DCHS1: variants seen among roughly 807,000 people sequenced by gnomAD.
The protein encoded by DCHS1 is protocadherin-16.
In DCHS1, 78 loss-of-function variants were observed where a neutral mutation model predicts 213.9. The ratio of observed to expected loss-of-function variants is 0.36; its 90% confidence interval spans 0.30 to 0.44. DCHS1 has a LOEUF of 0.44. Ranked by LOEUF, DCHS1 falls within the 20% of genes least tolerant of loss-of-function variation. The pLI, the probability that DCHS1 is intolerant of heterozygous loss-of-function variation, is 1.00. For synonymous variants in DCHS1, 1,828 were observed against 1,873.7 expected, an observed-to-expected ratio of 0.98 and a Z score of 0.63; for missense variants, 3,946 against 4,395.9, an observed-to-expected ratio of 0.90 and a Z score of 2.89.
chr11:6,633,079 C>G (rs376715478), intron 5 of DCHS1, 23 bp from the exon 6 acceptor site: 9 of 1,574,810 alleles, frequency 5.7e-6, no homozygotes, highest in African/African-American at 4.0e-5. Context: ...AAAAAGGGAT[C>G]AGGAAAGAGA....
rs1856045728 is a variant in DCHS1, at chr11:6,640,166, G to C, written c.1448C>G (p.Pro483Arg). 1 of 1,613,834 alleles carries C rather than the reference G, an allele frequency of 6.2e-7. No individual in the cohort carries two copies. Among genetic ancestry groups the C allele is most frequent in the Non-Finnish European group, 8.5e-7 (1 of 1,179,818 alleles). The change falls in exon 2 of 21, where the codon CCT (proline) becomes CGT (arginine). Residue 483 changes from proline (P) to arginine (R), a missense_variant. Pro to Arg is a moderately radical substitution (Grantham distance 103, BLOSUM62 -2). Coordinates refer to ENST00000299441, the MANE Select transcript of DCHS1 (RefSeq NM_003737.4). This position sits in a 1 kb window ranked among gnomAD's most constrained non-coding sequence, Gnocchi z 6.5. Reference protein sequence around the residue: ...DRQLYRPEPLPEVALPGSFVV... With the variant: ...DRQLYRPEPLREVALPGSFVV... Reference sequence around the variant, plus strand: ...AAAGCTGCCAGGCAGCGCAACCTCAGGCAGGGGCTCAGGTCGGTAGAGCTG... The same window carrying C: ...AAAGCTGCCAGGCAGCGCAACCTCACGCAGGGGCTCAGGTCGGTAGAGCTG...
chr11:6,640,767 C>T lies in DCHS1; in HGVS notation c.847G>A (p.Asp283Asn), dbSNP rs985941221. The change falls in exon 2 of 21, where the codon GAT (aspartate) becomes AAT (asparagine). Residue 283 changes from aspartate (D) to asparagine (N), a missense_variant. Asp to Asn is a conservative substitution (Grantham distance 23). Coordinates refer to ENST00000299441, the MANE Select transcript of DCHS1 (RefSeq NM_003737.4). This position sits in a 1 kb window ranked among gnomAD's most constrained non-coding sequence, Gnocchi z 6.5. Reference protein sequence around the residue: ...PVLQVFASDADAGVNGAVTYE... With the variant: ...PVLQVFASDANAGVNGAVTYE... ...GTCACAGCCCCATTGACACCAGCAT[C>T]GGCATCAGATGCGAACACCTGCAAG... is the stretch of plus-strand genomic sequence containing the variant. The T allele has an allele frequency of 6.2e-7, 1 of 1,613,894 alleles. No individual in the cohort carries two copies. The highest frequency in any genetic ancestry group is 1.3e-5 in the African/African-American group (1 of 74,922).
Position 6,630,121 on chromosome 11 carries a change from T to C in DCHS1, c.4673A>G (p.Gln1558Arg). ...SPSRVRLPED[Q>R]PPGPAALHVV... ...GTGCAGGGCCGCGGGCCCAGGCGGC[T>C]GGTCCTCTGGGAGGCGCACGCGTGA... Residue 1558 changes from glutamine (Q) to arginine (R), a missense_variant, in exon 10 of 21, where the codon CAG becomes CGG. Around this residue, in one of 3 missense-constraint regions of DCHS1, gnomAD observed 3,384 missense variants for 3,780.1 expected, o/e 0.90. Coordinates refer to ENST00000299441, the MANE Select transcript of DCHS1 (RefSeq NM_003737.4). 1.2e-6 allele frequency: 2 copies of C among 1,605,130 alleles called. No individual in the cohort carries two copies.
At chr11:6,643,416 G>A (rs1237704487) in intron 1 of DCHS1, among the ~76,000 whole-genome samples, 2 of 152,094 alleles carry the variant, frequency 1.3e-5, no homozygotes. Flanking sequence ...CATGTTCTAT[G>A]TTGGCGGCCA....
At chr11:6,646,030 T>G (rs1856149127) in intron 1 of DCHS1, among the ~76,000 whole-genome samples, 1 of 151,928 alleles carries the variant, frequency 6.6e-6, no homozygotes, top group South Asian at 2.1e-4. Context: ...CCCACACGTA[T>G]GCAGGCATAC....
chr11:6,626,492 G>A lies in DCHS1; in HGVS notation c.6364+60C>T. ...TTCACCCATCAAAGGCTCCTCTGAT[G>A]CAAAGAACCTGCTTCCCCAGTAGCC... On this transcript the variant is annotated intron_variant, in intron 15 of 20. Coordinates refer to ENST00000299441, the MANE Select transcript of DCHS1 (RefSeq NM_003737.4). The surrounding 1 kb of genome is among the most constrained non-coding windows in gnomAD (Gnocchi z 5.2). 2 of 1,605,660 alleles carry A rather than the reference G, an allele frequency of 1.2e-6. No individual in the cohort carries two copies. The highest frequency in any genetic ancestry group is 1.7e-6 in the Non-Finnish European group (2 of 1,173,506).
In DCHS1 at chr11:6,623,413, G is replaced by C; in HGVS notation, c.8263C>G (p.Arg2755Gly). 1.3e-6 allele frequency: 2 copies of C among 1,591,394 alleles called. No homozygotes were observed. Among genetic ancestry groups the C allele is most frequent in the Non-Finnish European group, 1.7e-6 (2 of 1,168,986 alleles). ...GAGCTGTTCAGTGCAAATGCCTCAC[G>C]GCCCTCAGGTCCTGGCCCAGCCTCC... ...LLEAGPGPEG[R>G]EAFALNSSTG... The change falls in exon 21 of 21, where the codon CGT (arginine) becomes GGT (glycine). Residue 2755 changes from arginine to glycine, a missense_variant. Arg to Gly is a moderately radical substitution (Grantham distance 125, BLOSUM62 -2). Around this residue, in one of 3 missense-constraint regions of DCHS1, gnomAD observed 3,384 missense variants for 3,780.1 expected, o/e 0.90. Coordinates refer to ENST00000299441, the MANE Select transcript of DCHS1 (RefSeq NM_003737.4).
At position 6,653,054 on chromosome 11, in the gene DCHS1, A is replaced by G. The variant is rs141128369; in HGVS notation, c.-121+2509T>C. Among the ~76,000 whole-genome samples, 439 of 152,244 alleles carry G rather than the reference A, an allele frequency of 2.9e-3. 1 individual carries two copies. The highest frequency in any genetic ancestry group is 9.9e-3 in the African/African-American group (412 of 41,534). On this transcript the variant is annotated intron_variant, in intron 1 of 20. Transcript: ENST00000299441. ...CTGATCATATCGCTCCAAGCTTCCA[A>G]TGATTTGGTGACTCTCCATTATTCT...
At position 6,629,554 on chromosome 11, in the gene DCHS1, C is replaced by T; in HGVS notation, c.5059G>A (p.Gly1687Arg). The change falls in exon 12 of 21, where the codon GGA (glycine) becomes AGA (arginine). Residue 1687 changes from glycine (G) to arginine (R), a missense_variant. Transcript: ENST00000299441. Reference protein sequence around the residue: ...DVGANGQVTYGGVSSESFSLD... With the variant: ...DVGANGQVTYRGVSSESFSLD... ...GAAAAGCTTTCGCTAGAGACGCCTC[C>T]ATAAGTCACTTGCCCGTTGGCCCCT... 2 of 1,613,722 alleles carry T rather than the reference C, an allele frequency of 1.2e-6. No individual in the cohort carries two copies. Among genetic ancestry groups the T allele is most frequent in the Non-Finnish European group, 1.7e-6 (2 of 1,179,756 alleles).
rs752838229 is a variant in DCHS1, at chr11:6,629,835, G to T, written c.4872C>A (p.His1624Gln). 5.0e-6 allele frequency: 8 copies of T among 1,612,974 alleles called. No homozygotes were observed. Among genetic ancestry groups the T allele is most frequent in the Non-Finnish European group, 6.8e-6 (8 of 1,179,882 alleles). Residue 1624 changes from histidine (H) to glutamine (Q), a missense_variant, in exon 11 of 21, where the codon CAC becomes CAA. Physicochemically the swap from His to Gln is conservative, Grantham distance 24. Around this residue, in one of 3 missense-constraint regions of DCHS1, gnomAD observed 3,384 missense variants for 3,780.1 expected, o/e 0.90. Coordinates refer to ENST00000299441, the MANE Select transcript of DCHS1 (RefSeq NM_003737.4). ...EHVLTVVASD[H>Q]GSPPRSATQV... ...GCGTGGCCGAGCGCGGCGGGGAGCCGTGGTCTGAGGCCACCACTGTCAGTA... is the reference window on the plus strand; with the variant it reads ...GCGTGGCCGAGCGCGGCGGGGAGCCTTGGTCTGAGGCCACCACTGTCAGTA...
chr11:6,643,815 C>T (rs1475257741), intron 1 of DCHS1, among the ~76,000 whole-genome samples: 1 of 152,164 alleles, frequency 6.6e-6, no homozygotes. Flanking sequence ...CTTCAGTATC[C>T]CCAGTCATCA....
rs187436116 is a variant in DCHS1 at position 6,654,479 on chromosome 11, C to T, written c.-121+1084G>A. On this transcript the variant is annotated intron_variant, in intron 1 of 20. Transcript: ENST00000299441. ...AGAGTGTTAGCAGTAACAATGTCTTCCATGGTATGTGTTGGCCTTGACAAT... is the reference window on the plus strand; with the variant it reads ...AGAGTGTTAGCAGTAACAATGTCTTTCATGGTATGTGTTGGCCTTGACAAT... Among the ~76,000 whole-genome samples the T allele has an allele frequency of 3.5e-4, 54 of 152,248 alleles. No individual in the cohort carries two copies. In the South Asian group the frequency reaches 6.2e-3, roughly 18 times the overall value.
Position 6,622,741 on chromosome 11 carries a change from C to T in DCHS1, c.8935G>A (p.Ala2979Thr). 1 of 1,590,892 alleles carries T rather than the reference C, an allele frequency of 6.3e-7. No individual in the cohort carries two copies. ...EAAPGPMSQA[A>T]PLASDSLQKL... ...TGCAGTGAGTCACTGGCTAGGGGTG[C>T]TGCCTGTGACATTGGGCCAGGGGCT... The change falls in exon 21 of 21, where the codon GCA becomes ACA. Residue 2979 changes from alanine (A) to threonine (T), a missense_variant. Physicochemically the swap from Ala to Thr is moderately conservative, Grantham distance 58. This residue lies in a region of DCHS1 where 554 missense variants were observed against 590.2 expected (regional missense o/e 0.94). Coordinates refer to ENST00000299441, the MANE Select transcript of DCHS1 (RefSeq NM_003737.4). The surrounding 1 kb of genome is among the most constrained non-coding windows in gnomAD (Gnocchi z 5.4).
In DCHS1 at chr11:6,641,490, C is replaced by G; in HGVS notation, c.124G>C (p.Gly42Arg). The G allele has an allele frequency of 6.4e-7, 1 of 1,568,978 alleles. No homozygotes were observed. Among genetic ancestry groups the G allele is most frequent in the Non-Finnish European group, 8.6e-7 (1 of 1,157,956 alleles). Residue 42 changes from glycine to arginine, a missense_variant, in exon 2 of 21, where the codon GGT becomes CGT. Gly to Arg is a moderately radical substitution (Grantham distance 125). Coordinates refer to ENST00000299441, the MANE Select transcript of DCHS1 (RefSeq NM_003737.4). The surrounding 1 kb of genome is among the most constrained non-coding windows in gnomAD (Gnocchi z 7.1). Reference sequence around the variant, plus strand: ...TGCAAGTCCAGGCTCCCAGCCTGACCCCAGGCACCTGGCACCCCAGCCCCC... The same window carrying G: ...TGCAAGTCCAGGCTCCCAGCCTGACGCCAGGCACCTGGCACCCCAGCCCCC... Reference protein sequence around the residue: ...LLGAGVPGAWGQAGSLDLQID... With the variant: ...LLGAGVPGAWRQAGSLDLQID...
Position 6,626,774 on chromosome 11 carries a change from T to A in DCHS1, c.6250+15A>T, listed in dbSNP as rs758411291. On this transcript the variant is annotated intron_variant, in intron 14 of 20. Transcript: ENST00000299441. This position sits in a 1 kb window ranked among gnomAD's most constrained non-coding sequence, Gnocchi z 5.2. ...TTTGGGAGTCTGAATCTGGAAGAAA[T>A]GGCTGGGGACCCACCTGGGGGCGCA... 6.4e-5 allele frequency: 103 copies of A among 1,609,284 alleles called. No homozygotes were observed. The Admixed American group carries it at 1.7e-3, about 27-fold the overall frequency.
rs1224413460 is a variant in DCHS1, at chr11:6,630,705, A to C, written c.4089T>G (p.Gly1363=). The C allele has an allele frequency of 2.6e-6, 4 of 1,544,966 alleles. No homozygotes were observed. Among genetic ancestry groups the C allele is most frequent in the Non-Finnish European group, 3.5e-6 (4 of 1,148,190 alleles). The change falls in exon 10 of 21, where the codon GGT becomes GGG. Residue 1363 remains glycine, a synonymous_variant. Transcript: ENST00000299441. ...CGCCCACCAGTGTGTAGGTGAGTGC[A>C]CCCACACCCGCGGGCTCTGGCGCTG... is the stretch of plus-strand genomic sequence containing the variant. ...SVAAPEPAGV[G]ALTYTLVGGA...
intron 2 of DCHS1, among the ~76,000 whole-genome samples, chr11:6,639,114 A>C (rs901540564): frequency 6.6e-6 from 1 of 151,982 alleles, no homozygotes; most frequent in Non-Finnish European, 1.5e-5. Flanking sequence ...CGCCTCAAAA[A>C]AAAAAAAAAG....
At position 6,632,371 on chromosome 11, in the gene DCHS1, C is replaced by T. The variant is rs1473635875; in HGVS notation, c.3141G>A (p.Leu1047=). The stretch of plus-strand genomic sequence containing the variant: ...CCCATAGCCACCCACTCTGTGGCTC[C>T]AGGCCAAAGGGGCTACTTGCTCCCT... ...AAEGASSPFG[L]EPQSGWLWVR... The change falls in exon 6 of 21, where the codon CTG becomes CTA. Residue 1047 remains leucine (L), a synonymous_variant. Transcript: ENST00000299441. The surrounding 1 kb of genome is among the most constrained non-coding windows in gnomAD (Gnocchi z 5.9). The T allele has an allele frequency of 1.9e-6, 3 of 1,613,962 alleles. No individual in the cohort carries two copies. Among genetic ancestry groups the T allele is most frequent in the South Asian group, 2.2e-5 (2 of 91,086 alleles).
In DCHS1 at chr11:6,630,084, C is replaced by T. The variant is rs1462458957; in HGVS notation, c.4710G>A (p.Arg1570=). Residue 1570 remains arginine (R), a synonymous_variant, in exon 10 of 21, where the codon CGG becomes CGA. Coordinates refer to ENST00000299441, the MANE Select transcript of DCHS1 (RefSeq NM_003737.4). ...PGPAALHVVA[R]DPDLGEAARV... ...GTGCAGCCTCGCCCAGATCCGGGTC[C>T]CGGGCTACCACGTGCAGGGCCGCGG... The T allele has an allele frequency of 1.3e-6, 2 of 1,591,334 alleles. No individual in the cohort carries two copies. The highest frequency in any genetic ancestry group is 1.7e-5 in the Admixed American group (1 of 57,222).
Sources: gnomAD v4.1 joint callset for allele counts (sites outside exome capture counted in the v4.1 genomes callset) on GRCh38, gnomAD v4.1.1 for gene constraint, gnomAD v4.1.1 regional missense constraint, Gnocchi (gnomAD v3.1) non-coding constraint, MANE v1.5 for transcripts, NCBI Gene and HGNC (gene_info 2026-07-23, HGNC 2026-07-21) for gene names.